EFCAB6: variants seen among roughly 807,000 people sequenced by gnomAD.
EFCAB6 encodes EF-hand calcium binding domain 6, also known as EF-hand calcium-binding domain-containing protein 6.
A neutral mutation model predicts 169.8 loss-of-function variants in EFCAB6; 156 were observed. The ratio of observed to expected loss-of-function variants is 0.92; its 90% CI spans 0.81 to 1.05. The LOEUF (loss-of-function observed/expected upper bound fraction) is 1.05, where lower values mean the gene tolerates loss of function less well. EFCAB6 is among the 50% of genes least tolerant of loss of function. The pLI, the probability that EFCAB6 is intolerant of heterozygous loss-of-function variation, is 0.00. For missense variants in EFCAB6, 1,800 were observed against 1,829.1 expected (o/e 0.98, Z 0.29); for synonymous variants, 698 against 676.4 (o/e 1.03, Z -0.50).
intron 20 of EFCAB6, among the ~76,000 whole-genome samples, chr22:43,619,216 C>T (rs1015792835): frequency 1.3e-5 from 2 of 152,110 alleles, no homozygotes; most frequent in Admixed American, 1.3e-4. Context: ...GTGGTGCACA[C>T]GTGGGTTTCC....
chr22:43,712,163 A>C (rs1161408550), intron 9 of EFCAB6, among the ~76,000 whole-genome samples: 1 of 152,166 alleles, frequency 6.6e-6, no homozygotes, highest in East Asian at 1.9e-4. Flanking sequence ...TGGGTGAACG[A>C]GCTTTGCTTA....
intron 26 of EFCAB6, among the ~76,000 whole-genome samples, chr22:43,575,358 G>GTTTTTT (rs34543550): frequency 2.9e-5 from 3 of 104,838 alleles, no homozygotes; most frequent in Admixed American, 1.1e-4. Context: ...ATCCGGCTAT[G>GTTTTTT]TTTTTTTTTT....
intron 16 of EFCAB6, 81 bp downstream of exon 16, chr22:43,668,791 A>T: frequency 8.0e-7 from 1 of 1,248,202 alleles, no homozygotes; most frequent in South Asian, 2.6e-5. Flanking sequence ...TAAAATACTC[A>T]GTTGACAAAT....
At chr22:43,745,534 G>A (rs12157654) in intron 6 of EFCAB6, among the ~76,000 whole-genome samples, 10 of 152,214 alleles carry the variant, frequency 6.6e-5, no homozygotes, top group African/African-American at 1.9e-4. Flanking sequence ...CCTGCCTGTA[G>A]ACTGAGACTG....
chr22:43,696,073 T>C (rs2058565584), intron 10 of EFCAB6, among the ~76,000 whole-genome samples: 1 of 152,136 alleles, frequency 6.6e-6, no homozygotes, highest in Admixed American at 6.5e-5. Flanking sequence ...ATAAAATGCT[T>C]ATACTCAGAG....
At chr22:43,605,778 TGTATATTTTGACACA>T (rs1010985200) in intron 22 of EFCAB6, among the ~76,000 whole-genome samples, 3 of 152,234 alleles carry the variant, frequency 2.0e-5, no homozygotes, top group Non-Finnish European at 4.4e-5. Context: ...AACTGCGTTA[TGTATATTTTGACACA>T]GTAAAAAAGT....
chr22:43,633,484 G>A (rs556751543), intron 18 of EFCAB6, among the ~76,000 whole-genome samples: 13 of 152,308 alleles, frequency 8.5e-5, no homozygotes, highest in African/African-American at 2.9e-4. Context: ...GGAGGCTGAG[G>A]TTGCAGTGAG....
intron 5 of EFCAB6, among the ~76,000 whole-genome samples, chr22:43,756,560 C>T (rs937200143): frequency 7.9e-5 from 12 of 152,116 alleles, no homozygotes; most frequent in Non-Finnish European, 1.3e-4. Context: ...GCAGAGCTGG[C>T]GCCCCTCCAC....
Position 43,784,564 on chromosome 22 carries a change from T to TATGTGTATATATACACAC in EFCAB6, c.-7-2240_-7-2239insGTGTGTATATATACACAT, listed in dbSNP as rs2061963942. Among the ~76,000 whole-genome samples, 2 of 79,870 alleles carry TATGTGTATATATACACAC rather than the reference T, an allele frequency of 2.5e-5. 1 individual carries two copies. Among genetic ancestry groups the TATGTGTATATATACACAC allele is most frequent in the East Asian group, 8.5e-4 (2 of 2,358 alleles). The allele number at this position is 79,870 out of a possible 152,430, so 52.4% of individuals were successfully genotyped here. A position where few individuals can be genotyped will look rare whatever the true frequency, so the allele number is the denominator to read the frequency against. On this transcript the variant is annotated intron_variant, in intron 2 of 31. Coordinates refer to ENST00000262726, the MANE Select transcript of EFCAB6 (RefSeq NM_022785.4). ...GTGTGTATATGTATATATACACATA[T>TATGTGTATATATACACAC]ATATGTGTACATATACACATATATA...
At chr22:43,690,800 A>G (rs2058385016) in intron 10 of EFCAB6, among the ~76,000 whole-genome samples, 1 of 151,578 alleles carries the variant, frequency 6.6e-6, no homozygotes, top group African/African-American at 2.4e-5. Context: ...GTCGCCCATC[A>G]TTACCTACTT....
intron 10 of EFCAB6, among the ~76,000 whole-genome samples, chr22:43,694,928 A>C (rs1409615994): frequency 6.6e-6 from 1 of 152,064 alleles, no homozygotes; most frequent in Non-Finnish European, 1.5e-5. Context: ...TAATATCACC[A>C]TTTCTGTTCA....
In EFCAB6 at chr22:43,668,973, A is replaced by T; in HGVS notation, c.1713T>A (p.Ile571=). The change falls in exon 16 of 32, where the codon ATT becomes ATA. Residue 571 remains isoleucine, a synonymous_variant. Transcript: ENST00000262726. ...LYKKLLACIG[I]DGPPTVSPVL... Reference sequence around the variant, plus strand: ...CTGGAGAGACAGTGGGTGGGCCATCAATTCCTATGCATGCCAAAAGTTTCT... The same window carrying T: ...CTGGAGAGACAGTGGGTGGGCCATCTATTCCTATGCATGCCAAAAGTTTCT... The T allele has an allele frequency of 6.2e-7, 1 of 1,613,444 alleles. No homozygotes were observed. Among genetic ancestry groups the T allele is most frequent in the Non-Finnish European group, 8.5e-7 (1 of 1,179,686 alleles).
At chr22:43,748,148 C>T (rs1346868800) in intron 6 of EFCAB6, among the ~76,000 whole-genome samples, 1 of 152,258 alleles carries the variant, frequency 6.6e-6, no homozygotes, top group South Asian at 2.1e-4. Flanking sequence ...GTAACAGGTA[C>T]GCCTGACTCC....
chr22:43,571,549 T>C (rs556248367), intron 26 of EFCAB6, among the ~76,000 whole-genome samples: 5 of 152,192 alleles, frequency 3.3e-5, no homozygotes, highest in Non-Finnish European at 5.9e-5. Flanking sequence ...GAGAAGTTAA[T>C]GATGAATGCA....
At chr22:43,566,865 C>T (rs973896102) in intron 26 of EFCAB6, among the ~76,000 whole-genome samples, 10 of 152,234 alleles carry the variant, frequency 6.6e-5, no homozygotes, top group Admixed American at 6.5e-4. Flanking sequence ...CTTACTAGCT[C>T]GGCCCCTCGG....
chr22:43,699,889 A>G (rs2058705183), intron 10 of EFCAB6, among the ~76,000 whole-genome samples: 1 of 152,250 alleles, frequency 6.6e-6, no homozygotes, highest in African/African-American at 2.4e-5. Context: ...GAATGGGAAC[A>G]TTCTTAACAG....
chr22:43,565,925 AAAG>A (rs1206430663), intron 26 of EFCAB6, among the ~76,000 whole-genome samples: 1 of 152,162 alleles, frequency 6.6e-6, no homozygotes, highest in Non-Finnish European at 1.5e-5. Flanking sequence ...TTTGATTAGC[AAAG>A]AAATTAATTG....
At chr22:43,649,144 A>T (rs1317005135) in intron 17 of EFCAB6, among the ~76,000 whole-genome samples, 1 of 152,234 alleles carries the variant, frequency 6.6e-6, no homozygotes, top group Non-Finnish European at 1.5e-5. Context: ...CCAGAAGGTG[A>T]GGGAGGAACT....
chr22:43,754,766 TA>T (rs1389740935), intron 6 of EFCAB6, among the ~76,000 whole-genome samples: 1 of 152,174 alleles, frequency 6.6e-6, no homozygotes, highest in Non-Finnish European at 1.5e-5. Context: ...ATAATTGTCA[TA>T]AACAATGGAC....
Sources: gnomAD v4.1 joint callset for allele counts (sites outside exome capture counted in the v4.1 genomes callset) on GRCh38, gnomAD v4.1.1 for gene constraint, MANE v1.5 for transcripts, NCBI Gene and HGNC (gene_info 2026-07-23, HGNC 2026-07-21) for gene names.